The following SLC2A12 variants were observed in gnomAD, a reference collection of about 807,000 sequenced individuals.
SLC2A12 encodes the protein solute carrier family 2 member 12, also known as solute carrier family 2, facilitated glucose transporter member 12.
In SLC2A12, 23 loss-of-function variants were observed where a neutral mutation model predicts 41.8. The observed-to-expected ratio is 0.55, with a 90% confidence interval of 0.40 to 0.78. The LOEUF is 0.78. SLC2A12 is among the 30% of genes least tolerant of loss of function. The pLI is 0.00. For synonymous variants in SLC2A12, 295 were observed against 285.9 expected (o/e 1.03, Z -0.32); for missense variants, 654 against 745.6 (o/e 0.88, Z 1.43).
At chr6:134,017,473 T>A (rs1467746790) in intron 2 of SLC2A12, among the ~76,000 whole-genome samples, 1 of 152,212 alleles carries the variant, frequency 6.6e-6, no homozygotes, top group African/African-American at 2.4e-5. Flanking sequence ...AGGTGCCATG[T>A]TAGGCCTGGA....
At chr6:134,017,658 T>C (rs1582608356) in intron 2 of SLC2A12, among the ~76,000 whole-genome samples, 1 of 151,988 alleles carries the variant, frequency 6.6e-6, no homozygotes, top group African/African-American at 2.4e-5. Flanking sequence ...CGAGACCACC[T>C]TGGCGAACAC....
chr6:134,011,845 C>T (rs1776888532), intron 2 of SLC2A12, among the ~76,000 whole-genome samples: 1 of 152,078 alleles, frequency 6.6e-6, no homozygotes, highest in African/African-American at 2.4e-5. Context: ...AGTTTGAGAC[C>T]AGCCTGGCCA....
At chr6:133,995,209 T>C (rs940300614) in intron 4 of SLC2A12, among the ~76,000 whole-genome samples, 2 of 152,172 alleles carry the variant, frequency 1.3e-5, no homozygotes, top group Non-Finnish European at 2.9e-5. Flanking sequence ...CCTTTTGTTT[T>C]GTTTTGTTTT....
chr6:134,022,279 C>CCAG (rs1360583976), intron 2 of SLC2A12, among the ~76,000 whole-genome samples: 1 of 152,104 alleles, frequency 6.6e-6, no homozygotes, highest in African/African-American at 2.4e-5. Context: ...GCCTGTAATC[C>CCAG]CAGCACTTTG....
chr6:134,027,615 C>T (rs1044122591), intron 2 of SLC2A12, among the ~76,000 whole-genome samples: 1 of 152,126 alleles, frequency 6.6e-6, no homozygotes, highest in Non-Finnish European at 1.5e-5. Flanking sequence ...CCCTTCACAG[C>T]CTCCCTACAG....
chr6:134,036,176 C>CT (rs1033569347), intron 1 of SLC2A12, among the ~76,000 whole-genome samples: 5 of 152,152 alleles, frequency 3.3e-5, no homozygotes, highest in Non-Finnish European at 5.9e-5. Flanking sequence ...TTCTTTTTTT[C>CT]TTTTTTTGGC....
chr6:134,039,913 C>G (rs1777357358), intron 1 of SLC2A12, among the ~76,000 whole-genome samples: 1 of 152,158 alleles, frequency 6.6e-6, no homozygotes, highest in Non-Finnish European at 1.5e-5. Flanking sequence ...ACCTGCTCCC[C>G]CTTTGACTTC....
intron 2 of SLC2A12, among the ~76,000 whole-genome samples, chr6:134,009,401 CT>C (rs1562193638): frequency 6.6e-6 from 1 of 152,136 alleles, no homozygotes; most frequent in South Asian, 2.1e-4. Context: ...GAGTCTACTT[CT>C]TTTTTGATTG....
intron 1 of SLC2A12, among the ~76,000 whole-genome samples, chr6:134,049,544 G>A (rs573306882): frequency 1.4e-4 from 21 of 152,270 alleles, no homozygotes; most frequent in East Asian, 3.9e-4. Context: ...TGCTCCATCC[G>A]TCTAATATCT....
In SLC2A12 at chr6:134,052,601, G is replaced by T; in HGVS notation, c.-121C>A. 1.4e-6 allele frequency: 1 copy of T among 733,806 alleles called. No homozygotes were observed. The highest frequency in any genetic ancestry group is 2.3e-6 in the Non-Finnish European group (1 of 441,214). The allele number at this position is 733,806 out of a possible 1,614,324, so 45.5% of individuals were successfully genotyped here. A position where few individuals can be genotyped will look rare whatever the true frequency, so the allele number is the denominator to read the frequency against. ...AGAAGAGTGTGGGGAAAAACTTCGG[G>T]CAAAGCTAATGTGATTTGTGACCAA... On this transcript the variant is annotated 5_prime_UTR_variant, in exon 1 of 5. Transcript: ENST00000275230.
chr6:134,039,416 A>C (rs1205555809), intron 1 of SLC2A12, among the ~76,000 whole-genome samples: 3 of 152,210 alleles, frequency 2.0e-5, no homozygotes, highest in Non-Finnish European at 4.4e-5. Flanking sequence ...ATCTTAAAAA[A>C]CTATATTGAG....
chr6:134,023,906 T>G (rs755628420), intron 2 of SLC2A12, among the ~76,000 whole-genome samples: 14 of 152,214 alleles, frequency 9.2e-5, no homozygotes, highest in Non-Finnish European at 1.9e-4. Context: ...TTAGCTAAGC[T>G]AGAAGGACAT....
intron 1 of SLC2A12, among the ~76,000 whole-genome samples, chr6:134,048,808 C>T (rs1417692185): frequency 6.6e-6 from 1 of 152,140 alleles, no homozygotes; most frequent in Non-Finnish European, 1.5e-5. Flanking sequence ...GGTAACTGGC[C>T]TCTTACTAGA....
intron 2 of SLC2A12, among the ~76,000 whole-genome samples, chr6:134,021,815 T>C (rs983385175): frequency 6.6e-6 from 1 of 152,166 alleles, no homozygotes; most frequent in African/African-American, 2.4e-5. Context: ...ATGGAGTGGA[T>C]TCAAAGAGGA....
At position 134,004,653 on chromosome 6, in the gene SLC2A12, C is replaced by A. The variant is rs978393691; in HGVS notation, c.1567+2159G>T. 2.0e-5 allele frequency among the ~76,000 whole-genome samples: 3 copies of A among 152,068 alleles called. No homozygotes were observed. The South Asian group carries it at 6.2e-4, about 32-fold the overall frequency. On this transcript the variant is annotated intron_variant, in intron 3 of 4. Transcript: ENST00000275230. ...ATCTATATATGAAATAAAGAGAAAC[C>A]GACTCATTGGTCAGTTTTCGTGGAT... is the stretch of plus-strand genomic sequence containing the variant.
intron 2 of SLC2A12, among the ~76,000 whole-genome samples, chr6:134,024,612 T>C (rs1235390033): frequency 6.6e-6 from 1 of 152,240 alleles, no homozygotes; most frequent in African/African-American, 2.4e-5. Context: ...CTCCCTTTAG[T>C]TGACTGCACT....
At chr6:134,033,154 G>A (rs1248479632) in intron 1 of SLC2A12, among the ~76,000 whole-genome samples, 3 of 152,062 alleles carry the variant, frequency 2.0e-5, no homozygotes, top group Non-Finnish European at 2.9e-5. Context: ...TACAGAGGGG[G>A]CACTTCAAGT....
chr6:134,024,049 G>A (rs1777080689), intron 2 of SLC2A12, among the ~76,000 whole-genome samples: 1 of 152,222 alleles, frequency 6.6e-6, no homozygotes, highest in Non-Finnish European at 1.5e-5. Flanking sequence ...AGCCACCACC[G>A]CAGCTCGTGC....
At chr6:134,041,250 T>C (rs1777377419) in intron 1 of SLC2A12, among the ~76,000 whole-genome samples, 1 of 152,172 alleles carries the variant, frequency 6.6e-6, no homozygotes, top group Non-Finnish European at 1.5e-5. Context: ...TATTTCAAAA[T>C]GCAGTGAGTC....
Sources: allele counts gnomAD v4.1 joint callset (sites outside exome capture counted in the v4.1 genomes callset), GRCh38; gene constraint gnomAD v4.1.1; transcripts MANE v1.5; gene names NCBI Gene and HGNC (gene_info 2026-07-23, HGNC 2026-07-21).